PPARGC1B: variants seen among roughly 807,000 people sequenced by gnomAD.
PPARGC1B encodes PPARG coactivator 1 beta.
In PPARGC1B, 34 loss-of-function variants were observed where a neutral mutation model predicts 101.6. That is an observed-to-expected ratio of 0.33 (90% confidence interval 0.25 to 0.45). PPARGC1B has a LOEUF of 0.45. Among genes scored for constraint, PPARGC1B ranks in the 20% least tolerant of loss-of-function variants. The pLI is 1.00. For synonymous variants in PPARGC1B, 548 were observed against 539.3 expected (o/e 1.02, Z -0.22); for missense variants, 1,234 against 1,317.6 (o/e 0.94, Z 0.98).
intron 1 of PPARGC1B, among the ~76,000 whole-genome samples, chr5:149,774,306 T>C (rs1756266666): frequency 6.6e-6 from 1 of 152,158 alleles, no homozygotes; most frequent in African/African-American, 2.4e-5. Flanking sequence ...GTGTTGCTGC[T>C]ACTGACTGTG....
At position 149,730,825 on chromosome 5, in the gene PPARGC1B, T is replaced by C. The variant is rs1259915879; in HGVS notation, c.78+405T>C. Among the ~76,000 whole-genome samples, 1 of 152,180 alleles carries C rather than the reference T, an allele frequency of 6.6e-6. No individual in the cohort carries two copies. The highest frequency in any genetic ancestry group is 1.5e-5 in the Non-Finnish European group (1 of 68,014). On this transcript the variant is annotated intron_variant, in intron 1 of 11. Coordinates refer to ENST00000309241, the MANE Select transcript of PPARGC1B (RefSeq NM_133263.4). This position sits in a 1 kb window ranked among gnomAD's most constrained non-coding sequence, Gnocchi z 4.0. ...GCTGCCGTACTTTCACGTGGACTTG[T>C]GGCCCCGGCACGGGTGCATGCCCGG...
At position 149,837,547 on chromosome 5, in the gene PPARGC1B, G is replaced by A. The variant is rs1303086597; in HGVS notation, c.2618+474G>A. Reference sequence around the variant, plus strand: ...TACCTGGACATAAAGCATTGATAAGGTTTCTGGGTCATGCTGAGTTGTGCT... The same window carrying A: ...TACCTGGACATAAAGCATTGATAAGATTTCTGGGTCATGCTGAGTTGTGCT... On this transcript the variant is annotated intron_variant, in intron 8 of 11. Transcript: ENST00000309241. The surrounding 1 kb of genome is among the most constrained non-coding windows in gnomAD (Gnocchi z 4.2). Among the ~76,000 whole-genome samples the A allele has an allele frequency of 6.6e-6, 1 of 152,192 alleles. No individual in the cohort carries two copies. The highest frequency in any genetic ancestry group is 1.5e-5 in the Non-Finnish European group (1 of 68,034).
chr5:149,826,580 C>A, intron 2 of PPARGC1B, 93 bp from the exon 3 acceptor site: 2 of 995,146 alleles, frequency 2.0e-6, no homozygotes, highest in Admixed American at 1.8e-5. Context: ...GCTGGCTGGG[C>A]AGAGCTGGTG....
In PPARGC1B at chr5:149,833,295, A is replaced by C; in HGVS notation, c.1222A>C (p.Ser408Arg). ...ACCCAAGAGCACCGGGCCCAGACCA[A>C]GCCTGCGCCCACTGCGGCTGGAGGT... ...ASPKSTGPRP[S>R]LRPLRLEVKR... Residue 408 changes from serine to arginine, a missense_variant, in exon 5 of 12, where the codon AGC becomes CGC. By Grantham distance (110) the Ser-to-Arg change is moderately radical. Coordinates refer to ENST00000309241, the MANE Select transcript of PPARGC1B (RefSeq NM_133263.4). This position sits in a 1 kb window ranked among gnomAD's most constrained non-coding sequence, Gnocchi z 4.1. The C allele has an allele frequency of 6.2e-7, 1 of 1,613,462 alleles. No individual in the cohort carries two copies. The highest frequency in any genetic ancestry group is 8.5e-7 in the Non-Finnish European group (1 of 1,180,034).
intron 2 of PPARGC1B, among the ~76,000 whole-genome samples, chr5:149,823,565 C>G (rs562231835): frequency 2.2e-4 from 34 of 152,258 alleles, no homozygotes; most frequent in Admixed American, 6.5e-4. Context: ...ATCCCTTCCT[C>G]AGCTGATTAA....
intron 1 of PPARGC1B, among the ~76,000 whole-genome samples, chr5:149,776,025 C>G (rs10036538): frequency 0.24 from 36,031 of 152,142 alleles, 4,723 homozygotes; most frequent in Middle Eastern, 0.39. Context: ...ACATAGACTG[C>G]CCAACCCTCT....
intron 2 of PPARGC1B, among the ~76,000 whole-genome samples, chr5:149,821,612 A>G (rs1581095222): frequency 6.6e-6 from 1 of 152,184 alleles, no homozygotes; most frequent in South Asian, 2.1e-4. Flanking sequence ...AACAACCACA[A>G]TAACATCGCG....
chr5:149,819,659 C>T (rs1758201156), intron 1 of PPARGC1B, among the ~76,000 whole-genome samples: 1 of 152,184 alleles, frequency 6.6e-6, no homozygotes, highest in South Asian at 2.1e-4. Flanking sequence ...TGCGCCACCA[C>T]CCCTGGCTAA....
chr5:149,758,357 A>G (rs962720720), intron 1 of PPARGC1B, among the ~76,000 whole-genome samples: 14 of 152,254 alleles, frequency 9.2e-5, no homozygotes, highest in African/African-American at 3.4e-4. Context: ...TTACTGAGTC[A>G]TCATCCATGC....
chr5:149,804,842 A>C (rs1263380054), intron 1 of PPARGC1B, among the ~76,000 whole-genome samples: 1 of 152,180 alleles, frequency 6.6e-6, no homozygotes, highest in African/African-American at 2.4e-5. Flanking sequence ...ATGGGAAGGA[A>C]GAAGGCCACC....
intron 1 of PPARGC1B, chr5:149,818,998 A>G (rs1758166644): frequency 2.5e-6 from 1 of 400,778 alleles, no homozygotes; most frequent in Admixed American, 2.8e-5. Context: ...TCAGCCCCCC[A>G]ACTCAGGCTA....
rs761496987 is a variant in PPARGC1B, at chr5:149,820,493, C to G, written c.139C>G (p.Leu47Val). The change falls in exon 2 of 12, where the codon CTG (leucine) becomes GTG (valine). Residue 47 changes from leucine to valine, a missense_variant. Leu to Val is a conservative substitution (Grantham distance 32). This residue lies in a region of PPARGC1B where 734 missense variants were observed against 768.4 expected (regional missense o/e 0.96). Transcript: ENST00000309241. ...ADFPELDLSQ[L>V]DASDFDSATC... ...CTTTCCAGAACTTGACCTCTCCCAGCTGGATGCCAGCGACTTTGACTCGGC... is the reference window on the plus strand; with the variant it reads ...CTTTCCAGAACTTGACCTCTCCCAGGTGGATGCCAGCGACTTTGACTCGGC... The G allele has an allele frequency of 1.2e-6, 2 of 1,614,062 alleles. No homozygotes were observed. The highest frequency in any genetic ancestry group is 3.3e-5 in the Admixed American group (2 of 60,026).
chr5:149,823,530 T>A (rs1435349117), intron 2 of PPARGC1B, among the ~76,000 whole-genome samples: 1 of 152,030 alleles, frequency 6.6e-6, no homozygotes, highest in Admixed American at 6.5e-5. Flanking sequence ...TCAGGAAGAC[T>A]GGGGGTGGGG....
chr5:149,841,358 C>T (rs1759326757), intron 9 of PPARGC1B, among the ~76,000 whole-genome samples: 1 of 152,118 alleles, frequency 6.6e-6, no homozygotes, highest in Non-Finnish European at 1.5e-5. Context: ...GGGGATTTCT[C>T]TGTTGAGCTG....
In PPARGC1B at chr5:149,832,337, C is replaced by T. The variant is rs749438740; in HGVS notation, c.583-319C>T. 5.3e-5 allele frequency among the ~76,000 whole-genome samples: 8 copies of T among 152,096 alleles called. No homozygotes were observed. The highest frequency in any genetic ancestry group is 7.3e-5 in the Non-Finnish European group (5 of 68,032). Reference sequence around the variant, plus strand: ...TCCAGGCTACCATGAACCTACTGCCCGGCTCTTGGCTGAGGGGTACGGAGC... The same window carrying T: ...TCCAGGCTACCATGAACCTACTGCCTGGCTCTTGGCTGAGGGGTACGGAGC... On this transcript the variant is annotated intron_variant, in intron 4 of 11. Transcript: ENST00000309241. The surrounding 1 kb of genome is among the most constrained non-coding windows in gnomAD (Gnocchi z 4.9).
chr5:149,739,315 A>G (rs1385521365), intron 1 of PPARGC1B, among the ~76,000 whole-genome samples: 1 of 152,178 alleles, frequency 6.6e-6, no homozygotes, highest in Non-Finnish European at 1.5e-5. Context: ...GTGCTATTGC[A>G]TGGATTTCTC....
rs375875883 is a variant in PPARGC1B at position 149,770,334 on chromosome 5, T to G, written c.78+39914T>G. Among the ~76,000 whole-genome samples the G allele has an allele frequency of 3.9e-5, 6 of 152,126 alleles. No individual in the cohort carries two copies. The East Asian group carries it at 1.2e-3, about 29-fold the overall frequency. On this transcript the variant is annotated intron_variant, in intron 1 of 11. Coordinates refer to ENST00000309241, the MANE Select transcript of PPARGC1B (RefSeq NM_133263.4). ...TAAAAAAAGGCGAGAACACTCTAAT[T>G]GTTTCCTTCCTAGAATCATGTGTCT...
chr5:149,820,636 A>T, intron 2 of PPARGC1B, 30 bp downstream of exon 2: 2 of 1,568,262 alleles, frequency 1.3e-6, no homozygotes, highest in Non-Finnish European at 1.7e-6. Flanking sequence ...CCCTCCTCCC[A>T]CCCTGCCAGG....
Position 149,833,760 on chromosome 5 carries a change from C to T in PPARGC1B, c.1687C>T (p.Pro563Ser). 6.5e-7 allele frequency: 1 copy of T among 1,536,572 alleles called. No homozygotes were observed. Among genetic ancestry groups the T allele is most frequent in the Non-Finnish European group, 8.7e-7 (1 of 1,146,664 alleles). The change falls in exon 5 of 12, where the codon CCG (proline) becomes TCG (serine). Residue 563 changes from proline (P) to serine (S), a missense_variant. Around this residue, in one of 3 missense-constraint regions of PPARGC1B, gnomAD observed 734 missense variants for 768.4 expected, o/e 0.96. Coordinates refer to ENST00000309241, the MANE Select transcript of PPARGC1B (RefSeq NM_133263.4). This position sits in a 1 kb window ranked among gnomAD's most constrained non-coding sequence, Gnocchi z 4.1. Reference protein sequence around the residue: ...CGDMDEDPSCPQLPPRDSPRC... With the variant: ...CGDMDEDPSCSQLPPRDSPRC... ...GGACATGGATGAGGACCCCAGCTGC[C>T]CGCAGCTCCCTCCCAGAGGTAGTCA...
Sources: allele counts gnomAD v4.1 joint callset (sites outside exome capture counted in the v4.1 genomes callset), GRCh38; gene constraint gnomAD v4.1.1; regional missense constraint gnomAD v4.1.1; non-coding constraint Gnocchi (gnomAD v3.1); transcripts MANE v1.5; gene names NCBI Gene and HGNC (gene_info 2026-07-23, HGNC 2026-07-21).